Variants in ERICH3 observed in about 807,000 individuals in gnomAD.
ERICH3 encodes the protein glutamate-rich protein 3.
ERICH3 carries 126 observed loss-of-function variants against 131.1 expected under a neutral mutation model. The ratio of observed to expected loss-of-function variants is 0.96; its 90% CI spans 0.83 to 1.11. The LOEUF is 1.11. Ranked by LOEUF, ERICH3 falls within the 50% of genes most tolerant of loss-of-function variation. The pLI, the probability that ERICH3 is intolerant of heterozygous loss-of-function variation, is 0.00. For missense variants in ERICH3, 2,050 were observed against 1,810.7 expected (o/e 1.13, Z -2.40); for synonymous variants, 695 against 644.6 (o/e 1.08, Z -1.18).
In ERICH3 at chr1:74,617,167, A is replaced by G. The variant is rs562684635; in HGVS notation, c.1000+3567T>C. Among the ~76,000 whole-genome samples the G allele has an allele frequency of 1.6e-4, 15 of 94,422 alleles. No individual in the cohort carries two copies. In the South Asian group the frequency reaches 4.7e-3, roughly 30 times the overall value. 61.9% of individuals were successfully genotyped at this position (94,422 alleles called of 152,430 possible). On this transcript the variant is annotated intron_variant, in intron 8 of 14. Transcript: ENST00000326665. ...GTAAGTTACTAAAAAAAACAACAAAAAACAAACAAAAAAAAAAAAAGGAAG... is the reference window on the plus strand; with the variant it reads ...GTAAGTTACTAAAAAAAACAACAAAGAACAAACAAAAAAAAAAAAAGGAAG...
intron 12 of ERICH3, 42 bp from the exon 13 acceptor site, chr1:74,576,978 CACT>C: frequency 6.5e-7 from 1 of 1,535,732 alleles, no homozygotes; most frequent in African/African-American, 1.4e-5. Flanking sequence ...TCAAATGAAT[CACT>C]GTGAAATGTA....
chr1:74,617,065 A>G (rs1276743312), intron 8 of ERICH3, among the ~76,000 whole-genome samples: 1 of 152,092 alleles, frequency 6.6e-6, no homozygotes, highest in Non-Finnish European at 1.5e-5. Context: ...TAGCAATATA[A>G]TATTTTTTAA....
At chr1:74,628,608 CAA>C (rs1456528704) in intron 7 of ERICH3, among the ~76,000 whole-genome samples, 7 of 151,998 alleles carry the variant, frequency 4.6e-5, no homozygotes, top group African/African-American at 1.7e-4. Flanking sequence ...TGGGGGGAGT[CAA>C]AGTTTATATA....
At position 74,573,118 on chromosome 1, in the gene ERICH3, TG is replaced by T; in HGVS notation, c.2591del (p.Ala864GlufsTer7). The T allele has an allele frequency of 1.2e-6, 2 of 1,614,062 alleles. No homozygotes were observed. The highest frequency in any genetic ancestry group is 1.7e-6 in the Non-Finnish European group (2 of 1,179,956). On this transcript the variant is annotated frameshift_variant, in exon 14 of 15. Coordinates refer to ENST00000326665, the MANE Select transcript of ERICH3 (RefSeq NM_001002912.5). LOFTEE classifies it high-confidence loss of function. ...GGSDPIGQAA[A>X]KDAVGLSKDE... is the part of the protein sequence containing the mutation. ...CTTTACTCAGACCCACAGCATCTTT[TG>T]CTGCTGCTTGTCCTATGGGGTCTGA...
intron 12 of ERICH3, chr1:74,577,554 A>G (rs915236087): frequency 6.6e-6 from 1 of 152,230 alleles, no homozygotes; most frequent in African/African-American, 2.4e-5. Flanking sequence ...ATTTCACATC[A>G]TTTAAATAAG....
At chr1:74,671,902 C>A (rs1179229367) in intron 1 of ERICH3, among the ~76,000 whole-genome samples, 1 of 152,162 alleles carries the variant, frequency 6.6e-6, no homozygotes, top group Non-Finnish European at 1.5e-5. Flanking sequence ...GCCTACTTTT[C>A]AGGAGCTTAC....
intron 1 of ERICH3, among the ~76,000 whole-genome samples, chr1:74,664,252 T>C (rs1046327284): frequency 2.6e-5 from 4 of 151,952 alleles, no homozygotes; most frequent in African/African-American, 7.2e-5. Flanking sequence ...TTCCTCATGG[T>C]ATTTTTCTGC....
At chr1:74,591,975 T>C (rs1465097432) in intron 11 of ERICH3, 1 of 152,142 alleles carries the variant, frequency 6.6e-6, no homozygotes, top group African/African-American at 2.4e-5. Context: ...GAGTTTAAGA[T>C]AAAAAATACC....
At chr1:74,641,579 T>C (rs1646438367) in intron 4 of ERICH3, 120 bp from the exon 5 acceptor site, 1 of 1,235,738 alleles carries the variant, frequency 8.1e-7, no homozygotes, top group Non-Finnish European at 1.1e-6. Context: ...TTCCAAGAGT[T>C]ACTTTTGTTA....
At chr1:74,628,036 T>G (rs920288093) in intron 7 of ERICH3, among the ~76,000 whole-genome samples, 2 of 152,176 alleles carry the variant, frequency 1.3e-5, no homozygotes, top group African/African-American at 2.4e-5. Context: ...TAAAATTAAC[T>G]GTAGTACATA....
intron 12 of ERICH3, chr1:74,578,311 A>ATGG: frequency 5.6e-6 from 1 of 177,954 alleles, no homozygotes; most frequent in South Asian, 1.6e-4. Flanking sequence ...GATGATGATG[A>ATGG]TGGTGATGGG....
Position 74,572,815 on chromosome 1 carries a change from C to T in ERICH3, c.2895G>A (p.Lys965=), listed in dbSNP as rs148451571. Residue 965 remains lysine, a synonymous_variant, in exon 14 of 15, where the codon AAG becomes AAA. Transcript: ENST00000326665. ...TTGCCTCTTCAGAACCGTCCTCTCTCTTTGATGCTGTGTCCTCCATGGGTC... is the reference window on the plus strand; with the variant it reads ...TTGCCTCTTCAGAACCGTCCTCTCTTTTTGATGCTGTGTCCTCCATGGGTC... ...DTGPMEDTAS[K]REDGSEEAIL... 3 of 1,613,894 alleles carry T rather than the reference C, an allele frequency of 1.9e-6. No individual in the cohort carries two copies. The highest frequency in any genetic ancestry group is 3.3e-5 in the Admixed American group (2 of 60,014).
chr1:74,586,326 T>C, intron 12 of ERICH3: 1 of 830,874 alleles, frequency 1.2e-6, no homozygotes, highest in Non-Finnish European at 1.5e-6. Flanking sequence ...ATAACATATG[T>C]ATATGTATCT....
In ERICH3 at chr1:74,641,320, A is replaced by G; in HGVS notation, c.444+11T>C. 1.9e-6 allele frequency: 3 copies of G among 1,611,490 alleles called. No homozygotes were observed. The highest frequency in any genetic ancestry group is 1.7e-6 in the Non-Finnish European group (2 of 1,178,962). ...GGGATACTGCATGACGAAGTGTTTAATATTACTCACCAGTGCTAACGGACT... is the reference window on the plus strand; with the variant it reads ...GGGATACTGCATGACGAAGTGTTTAGTATTACTCACCAGTGCTAACGGACT... On this transcript the variant is annotated intron_variant, in intron 5 of 14. Coordinates refer to ENST00000326665, the MANE Select transcript of ERICH3 (RefSeq NM_001002912.5).
At chr1:74,665,324 C>A (rs184269970) in intron 1 of ERICH3, among the ~76,000 whole-genome samples, 263 of 152,224 alleles carry the variant, frequency 1.7e-3, no homozygotes, top group South Asian at 2.7e-3. Context: ...TCTGTTGTTT[C>A]TAAGCCACCC....
intron 10 of ERICH3, among the ~76,000 whole-genome samples, chr1:74,603,907 G>A (rs1648266330): frequency 6.6e-6 from 1 of 151,804 alleles, no homozygotes; most frequent in Non-Finnish European, 1.5e-5. Context: ...GATGGCTGGG[G>A]TGGCTATGGA....
chr1:74,665,856 G>A (rs1570922235), intron 1 of ERICH3, among the ~76,000 whole-genome samples: 1 of 152,216 alleles, frequency 6.6e-6, no homozygotes, highest in Non-Finnish European at 1.5e-5. Context: ...ACAGTGGGAG[G>A]GGGAGGCAGA....
rs764026276 is a variant in ERICH3 at position 74,649,328 on chromosome 1, A to C, written c.24-13T>G. On this transcript the variant is annotated splice_polypyrimidine_tract_variant and intron_variant, in intron 1 of 14. Transcript: ENST00000326665. ...TGCAGCAAGTAACCTAAAATACAAA[A>C]ATAAAACCAATAAGCTTTTACAAGG... The C allele has an allele frequency of 1.3e-6, 2 of 1,589,158 alleles. No homozygotes were observed. Among genetic ancestry groups the C allele is most frequent in the South Asian group, 2.2e-5 (2 of 89,306 alleles).
intron 11 of ERICH3, among the ~76,000 whole-genome samples, chr1:74,591,393 G>A (rs75215470): frequency 0.016 from 2,510 of 152,276 alleles, 84 homozygotes; most frequent in African/African-American, 0.057. Context: ...TTAGGCAGGA[G>A]CTGGGCTTTC....
Sources: gnomAD v4.1 joint callset for allele counts (sites outside exome capture counted in the v4.1 genomes callset) on GRCh38, gnomAD v4.1.1 for gene constraint, MANE v1.5 for transcripts, NCBI Gene and HGNC (gene_info 2026-07-23, HGNC 2026-07-21) for gene names.